Variants in VCP observed in about 807,000 individuals in gnomAD.
VCP encodes transitional endoplasmic reticulum ATPase.
In VCP, 6 loss-of-function variants were observed where a neutral mutation model predicts 85.7. That is an observed-to-expected ratio of 0.07 (90% CI 0.04 to 0.14). The LOEUF is 0.14. Among genes scored for constraint, VCP ranks in the 10% least tolerant of loss-of-function variants. VCP has a pLI of 1.00. For missense variants in VCP, 353 were observed against 1,043.4 expected, an observed-to-expected ratio of 0.34 and a Z score of 9.12; for synonymous variants, 384 against 367.1, an observed-to-expected ratio of 1.05 and a Z score of -0.53.
intron 1 of VCP, among the ~76,000 whole-genome samples, chr9:35,070,932 T>A (rs1261460915): frequency 6.6e-6 from 1 of 152,144 alleles, no homozygotes; most frequent in African/African-American, 2.4e-5. Flanking sequence ...CAACAGCAGT[T>A]CTGGACACTC....
At chr9:35,062,844 C>T (rs938581129) in intron 7 of VCP, 134 bp downstream of exon 7, 2 of 860,174 alleles carry the variant, frequency 2.3e-6, no homozygotes, top group South Asian at 1.3e-5. Context: ...CTGTAACATA[C>T]CCCAGCATAA....
chr9:35,063,066 G>A lies in VCP; in HGVS notation c.723C>T (p.Ile241=), dbSNP rs1232968979. 2 of 1,613,938 alleles carry A rather than the reference G, an allele frequency of 1.2e-6. No homozygotes were observed. The highest frequency in any genetic ancestry group is 2.2e-5 in the South Asian group (2 of 91,094). ...CTGTTCCAGGAGGTCCGTAAAGCAG[G>A]ATTCCTCTAGGAGGCTGTGGACCAA... ...KAIGVKPPRG[I]LLYGPPGTGK... The change falls in exon 7 of 17, where the codon ATC becomes ATT. Residue 241 remains isoleucine (I), a synonymous_variant. Transcript: ENST00000358901.
chr9:35,058,922 TTCTTTA>T (rs1828666050), intron 15 of VCP, 136 bp downstream of exon 15: 17 of 1,153,480 alleles, frequency 1.5e-5, no homozygotes, highest in Non-Finnish European at 2.2e-5. Context: ...CACCTCAGCA[TTCTTTA>T]TCTTTGATGC....
At chr9:35,065,047 T>C (rs910299239) in intron 5 of VCP, among the ~76,000 whole-genome samples, 2 of 152,186 alleles carry the variant, frequency 1.3e-5, no homozygotes, top group Admixed American at 6.5e-5. Flanking sequence ...TTTGTATTTT[T>C]AGTAGAGATG....
At position 35,057,855 on chromosome 9, in the gene VCP, C is replaced by A. The variant is rs577126030; in HGVS notation, c.2161-325G>T. 9.5e-6 allele frequency: 4 copies of A among 419,602 alleles called. No individual in the cohort carries two copies. The Admixed American group carries it at 1.5e-4, about 15-fold the overall frequency. 26.0% of individuals were successfully genotyped at this position (419,602 alleles called of 1,614,324 possible). A position where few individuals can be genotyped will look rare whatever the true frequency, so the allele number is the denominator to read the frequency against. On this transcript the variant is annotated intron_variant, in intron 15 of 16. Coordinates refer to ENST00000358901, the MANE Select transcript of VCP (RefSeq NM_007126.5). ...TGTGGTAGTAGTTATAGAACTTACA[C>A]ACACTTGTCATAAAGCATGGAAATG...
rs1828977113 is a variant in VCP at position 35,072,395 on chromosome 9, G to T, written c.-42C>A. On this transcript the variant is annotated 5_prime_UTR_variant, in exon 1 of 17. Transcript: ENST00000358901. ...GGCCGGCGGCTGTGGCGGCCCGCGG[G>T]TAACGGCTACGAGCGGTGGCAAGCG... The T allele has an allele frequency of 6.8e-7, 1 of 1,473,180 alleles. No homozygotes were observed. The allele number at this position is 1,473,180 out of a possible 1,614,324, so 91.3% of individuals were successfully genotyped here.
In VCP at chr9:35,059,119, G is replaced by A; in HGVS notation, c.2105C>T (p.Ser702Phe). The A allele has an allele frequency of 6.2e-7, 1 of 1,614,124 alleles. No individual in the cohort carries two copies. Among genetic ancestry groups the A allele is most frequent in the Non-Finnish European group, 8.5e-7 (1 of 1,180,030 alleles). The change falls in exon 15 of 17, where the codon TCC (serine) becomes TTC (phenylalanine). Residue 702 changes from serine (S) to phenylalanine (F), a missense_variant. This residue lies in a region of VCP where 93 missense variants were observed against 197.1 expected (regional missense o/e 0.47). Transcript: ENST00000358901. The surrounding 1 kb of genome is among the most constrained non-coding windows in gnomAD (Gnocchi z 4.9). ...QRACKLAIRE[S>F]IESEIRRERE... ...TTCTCGCCTAATCTCACTCTCGATGGATTCACGGATGGCCAGCTTGCAAGC... is the reference window on the plus strand; with the variant it reads ...TTCTCGCCTAATCTCACTCTCGATGAATTCACGGATGGCCAGCTTGCAAGC...
intron 6 of VCP, among the ~76,000 whole-genome samples, chr9:35,063,441 AAG>A (rs1828765734): frequency 6.6e-6 from 1 of 152,218 alleles, no homozygotes. Context: ...TAAGCCATTT[AAG>A]AGAGCAGGGT....
chr9:35,059,442 C>T lies in VCP; in HGVS notation c.2004+51G>A. On this transcript the variant is annotated intron_variant, in intron 14 of 16. Coordinates refer to ENST00000358901, the MANE Select transcript of VCP (RefSeq NM_007126.5). This position sits in a 1 kb window ranked among gnomAD's most constrained non-coding sequence, Gnocchi z 4.9. ...TCCAGAAACTAAAGAGCACTCCGTACCAGCCTGAGGACTCATGCAAGTCTC... is the reference window on the plus strand; with the variant it reads ...TCCAGAAACTAAAGAGCACTCCGTATCAGCCTGAGGACTCATGCAAGTCTC... 6.2e-7 allele frequency: 1 copy of T among 1,607,414 alleles called. No individual in the cohort carries two copies. The highest frequency in any genetic ancestry group is 1.1e-5 in the South Asian group (1 of 90,356).
chr9:35,072,027 C>T (rs1828961101), intron 1 of VCP: 1 of 1,175,146 alleles, frequency 8.5e-7, no homozygotes, highest in African/African-American at 1.6e-5. Context: ...GCCGGAAGAC[C>T]TGGCCAGGCC....
intron 7 of VCP, 61 bp from the exon 8 acceptor site, chr9:35,062,411 A>T: frequency 1.2e-6 from 2 of 1,612,514 alleles, no homozygotes; most frequent in Non-Finnish European, 1.7e-6. Flanking sequence ...TCCTCCCAAA[A>T]ATCAGTTATC....
In VCP at chr9:35,057,283, A is replaced by G. The variant is rs1587117155; in HGVS notation, c.2316-61T>C. 2.5e-6 allele frequency: 4 copies of G among 1,613,730 alleles called. No homozygotes were observed. The East Asian group carries it at 8.9e-5, about 36-fold the overall frequency. On this transcript the variant is annotated intron_variant, in intron 16 of 16. Coordinates refer to ENST00000358901, the MANE Select transcript of VCP (RefSeq NM_007126.5). ...GACAGGGCCTGTGTAAGATTTCCACAACTACCCCTCTAGCTTCCTTAGGAC... is the reference window on the plus strand; with the variant it reads ...GACAGGGCCTGTGTAAGATTTCCACGACTACCCCTCTAGCTTCCTTAGGAC...
chr9:35,062,619 GAGATGGCACACC>G (rs1480977899), intron 7 of VCP, among the ~76,000 whole-genome samples: 3 of 152,104 alleles, frequency 2.0e-5, no homozygotes, highest in Admixed American at 6.6e-5. Flanking sequence ...TAGAGCAAGA[GAGATGGCACACC>G]AGATGGCACA....
intron 3 of VCP, among the ~76,000 whole-genome samples, chr9:35,067,320 G>A (rs1214992374): frequency 1.3e-5 from 2 of 152,214 alleles, no homozygotes; most frequent in South Asian, 2.1e-4. Flanking sequence ...TTGGGTAGGA[G>A]TGGCTAGAGA....
intron 3 of VCP, 24 bp downstream of exon 3, chr9:35,067,867 T>C (rs1003134343): frequency 6.2e-7 from 1 of 1,614,052 alleles, no homozygotes; most frequent in Admixed American, 1.7e-5. Context: ...CCCATCCCTG[T>C]GAAGCCAAAA....
At chr9:35,060,287 A>C (rs541019882) in intron 13 of VCP, 26 bp downstream of exon 13, 1 of 1,611,432 alleles carries the variant, frequency 6.2e-7, no homozygotes, top group East Asian at 2.2e-5. Flanking sequence ...GCAAATCAAT[A>C]CATAGTTCAG....
In VCP at chr9:35,066,810, G is replaced by A. The variant is rs1186937475; in HGVS notation, c.310C>T (p.Pro104Ser). Residue 104 changes from proline (P) to serine (S), a missense_variant, in exon 4 of 17, where the codon CCA (proline) becomes TCA (serine). By Grantham distance (74) the Pro-to-Ser change is moderately conservative. Coordinates refer to ENST00000358901, the MANE Select transcript of VCP (RefSeq NM_007126.5). Reference sequence around the variant, plus strand: ...TTGCCGTACTTCACATCAGGGCATGGCTGGATGCTGAGGATGACAAGCAGA... The same window carrying A: ...TTGCCGTACTTCACATCAGGGCATGACTGGATGCTGAGGATGACAAGCAGA... ...VRLGDVISIQ[P>S]CPDVKYGKRI... 1.2e-6 allele frequency: 2 copies of A among 1,614,132 alleles called. No individual in the cohort carries two copies. The highest frequency in any genetic ancestry group is 1.7e-5 in the Admixed American group (1 of 60,024).
chr9:35,057,361 T>A lies in VCP; in HGVS notation c.2315+15A>T. The A allele has an allele frequency of 6.2e-7, 1 of 1,614,222 alleles. No homozygotes were observed. Among genetic ancestry groups the A allele is most frequent in the Non-Finnish European group, 8.5e-7 (1 of 1,180,032 alleles). On this transcript the variant is annotated intron_variant, in intron 16 of 16. Transcript: ENST00000358901. ...AAGTAACTTAAGCACTGTCTAATGC[T>A]CCCAACCAACTTACCTGAAGCTGCC...
intron 1 of VCP, among the ~76,000 whole-genome samples, chr9:35,069,890 G>A (rs1471377057): frequency 3.3e-5 from 5 of 152,178 alleles, no homozygotes; most frequent in Admixed American, 2.0e-4. Flanking sequence ...ACAAATTCAT[G>A]AGTCTCTATT....
Sources: gnomAD v4.1 joint callset for allele counts (sites outside exome capture counted in the v4.1 genomes callset) on GRCh38, gnomAD v4.1.1 for gene constraint, gnomAD v4.1.1 regional missense constraint, Gnocchi (gnomAD v3.1) non-coding constraint, MANE v1.5 for transcripts, NCBI Gene and HGNC (gene_info 2026-07-23, HGNC 2026-07-21) for gene names.